ISLR2: variants seen among roughly 807,000 people sequenced by gnomAD.
ISLR2 encodes immunoglobulin superfamily containing leucine rich repeat 2, also known as immunoglobulin superfamily containing leucine-rich repeat protein 2.
In ISLR2, 16 loss-of-function variants were observed where a neutral mutation model predicts 25.5. That is an observed-to-expected ratio of 0.63 (90% CI 0.43 to 0.95). The LOEUF (loss-of-function observed/expected upper bound fraction) is 0.95, where lower values mean the gene tolerates loss of function less well. Among genes scored for constraint, ISLR2 ranks in the 40% least tolerant of loss-of-function variants. The pLI is 0.00. For missense variants in ISLR2, 883 were observed against 1,030.7 expected (o/e 0.86, Z 1.96); for synonymous variants, 508 against 486.6 (o/e 1.04, Z -0.58).
intron 2 of ISLR2, among the ~76,000 whole-genome samples, chr15:74,109,853 T>C (rs1163385057): frequency 1.3e-5 from 2 of 152,180 alleles, no homozygotes; most frequent in Non-Finnish European, 2.9e-5. Context: ...TGGAGTATAA[T>C]GGTGCAGTCA....
chr15:74,137,151 G>A (rs2072578257), downstream of ISLR2, among the ~76,000 whole-genome samples: 1 of 152,216 alleles, frequency 6.6e-6, no homozygotes, highest in Non-Finnish European at 1.5e-5. Context: ...TTTCACTTGA[G>A]ACTGTCTGTG....
At chr15:74,129,170 A>G (rs979354105), upstream of ISLR2, 10 of 411,316 alleles carry the variant, frequency 2.4e-5, no homozygotes, top group Non-Finnish European at 4.4e-5. This position sits in a 1 kb window ranked among gnomAD's most constrained non-coding sequence, Gnocchi z 4.5. Context: ...GCAAGATGCG[A>G]TGGTCTCAGC....
chr15:74,133,560 G>T lies in ISLR2; in HGVS notation c.806G>T (p.Arg269Leu), dbSNP rs777296234. The T allele has an allele frequency of 2.9e-5, 46 of 1,614,024 alleles. No homozygotes were observed. The highest frequency in any genetic ancestry group is 3.7e-5 in the Non-Finnish European group (44 of 1,180,012). ...ATCGCCGACGGCCACCCTACGCCTCGCCTGCAATGGCAACTTCAGATCCCC... is the reference window on the plus strand; with the variant it reads ...ATCGCCGACGGCCACCCTACGCCTCTCCTGCAATGGCAACTTCAGATCCCC... ...HCIADGHPTP[R>L]LQWQLQIPGG... The change falls in exon 3 of 3, where the codon CGC (arginine) becomes CTC (leucine). Residue 269 changes from arginine (R) to leucine (L), a missense_variant. This residue lies in a region of ISLR2 where 271 missense variants were observed against 387.9 expected (regional missense o/e 0.70). Transcript: ENST00000453268.
chr15:74,130,076 A>C (rs2072372410), upstream of ISLR2: 1 of 152,078 alleles, frequency 6.6e-6, no homozygotes, highest in Admixed American at 6.5e-5. Context: ...GTTTAGCCAC[A>C]AAAGACCAGA....
chr15:74,135,201 C>T lies in ISLR2; in HGVS notation c.*209C>T. 1 of 623,722 alleles carries T rather than the reference C, an allele frequency of 1.6e-6. No individual in the cohort carries two copies. Among genetic ancestry groups the T allele is most frequent in the East Asian group, 2.8e-5 (1 of 35,546 alleles). The allele number at this position is 623,722 out of a possible 1,614,324, so 38.6% of individuals were successfully genotyped here. A position where few individuals can be genotyped will look rare whatever the true frequency, so the allele number is the denominator to read the frequency against. On this transcript the variant is annotated 3_prime_UTR_variant, in exon 3 of 3. Transcript: ENST00000453268. ...CTACCCACGGCTGCCATTCTCCCTGCGGGCTGAATCCCCTTCCCCGCCAAG... is the reference window on the plus strand; with the variant it reads ...CTACCCACGGCTGCCATTCTCCCTGTGGGCTGAATCCCCTTCCCCGCCAAG...
Position 74,134,531 on chromosome 15 carries a change from A to T in ISLR2, c.1777A>T (p.Ile593Leu), listed in dbSNP as rs777436719. Residue 593 changes from isoleucine to leucine, a missense_variant, in exon 3 of 3, where the codon ATA (isoleucine) becomes TTA (leucine). Physicochemically the swap from Ile to Leu is conservative, Grantham distance 5 (BLOSUM62 2). Around this residue, in one of 2 missense-constraint regions of ISLR2, gnomAD observed 612 missense variants for 642.8 expected, o/e 0.95. Transcript: ENST00000453268. Reference sequence around the variant, plus strand: ...GAAGGAGCTCCCATCGCTGCTGGTCATAGTGGCAGTGAGCGTATTCCTCCT... The same window carrying T: ...GAAGGAGCTCCCATCGCTGCTGGTCTTAGTGGCAGTGAGCGTATTCCTCCT... ...TKKELPSLLV[I>L]VAVSVFLLVL... The T allele has an allele frequency of 6.2e-7, 1 of 1,614,062 alleles. No homozygotes were observed. Among genetic ancestry groups the T allele is most frequent in the East Asian group, 2.2e-5 (1 of 44,878 alleles).
At chr15:74,126,932 GTGTGTGTGTGTGTGTGTGTGTC>G (rs1324963210), upstream of ISLR2, 544 of 151,988 alleles carry the variant, frequency 3.6e-3, 4 homozygotes, top group African/African-American at 0.013. Flanking sequence ...GTGTGTGTGT[GTGTGTGTGTGTGTGTGTGTGTC>G]TGTGCGCGCA....
Position 74,134,317 on chromosome 15 carries a change from A to C in ISLR2, c.1563A>C (p.Arg521=). 1 of 1,531,196 alleles carries C rather than the reference A, an allele frequency of 6.5e-7. No individual in the cohort carries two copies. Among genetic ancestry groups the C allele is most frequent in the Non-Finnish European group, 8.8e-7 (1 of 1,141,630 alleles). 94.9% of individuals were successfully genotyped at this position (1,531,196 alleles called of 1,614,324 possible). The change falls in exon 3 of 3, where the codon CGA becomes CGC. Residue 521 remains arginine, a synonymous_variant. Coordinates refer to ENST00000453268, the MANE Select transcript of ISLR2 (RefSeq NM_020851.3). The part of the protein sequence containing the change: ...PGPGGAGGAP[R]PGRRPLRLLY... The stretch of plus-strand genomic sequence containing the variant: ...CCGGCGGGGCTGGCGGAGCCCCGCG[A>C]CCCGGGCGGCGACCCCTGCGCCTAC...
At chr15:74,117,406 T>C (rs1216498267) in intron 2 of ISLR2, among the ~76,000 whole-genome samples, 1 of 152,128 alleles carries the variant, frequency 6.6e-6, no homozygotes, top group Non-Finnish European at 1.5e-5. Flanking sequence ...TCAGGAAATA[T>C]CTTAGGGCTC....
chr15:74,128,346 A>T, upstream of ISLR2: 1 of 421,760 alleles, frequency 2.4e-6, no homozygotes, highest in East Asian at 7.2e-5. Flanking sequence ...CTCCGGGAAC[A>T]AAAGCATTTG....
In ISLR2 at chr15:74,132,699, G is replaced by C. The variant is rs1052907306; in HGVS notation, c.-8-48G>C. 9 of 1,571,170 alleles carry C rather than the reference G, an allele frequency of 5.7e-6. No individual in the cohort carries two copies. Among genetic ancestry groups the C allele is most frequent in the South Asian group, 4.7e-5 (4 of 84,458 alleles). Reference sequence around the variant, plus strand: ...CAGCTTGATAGGGGAGGTAAGCTGGGGTTCAGTGAGTCACCTTCTTTCTTC... The same window carrying C: ...CAGCTTGATAGGGGAGGTAAGCTGGCGTTCAGTGAGTCACCTTCTTTCTTC... On this transcript the variant is annotated intron_variant, in intron 2 of 2. Coordinates refer to ENST00000453268, the MANE Select transcript of ISLR2 (RefSeq NM_020851.3). The surrounding 1 kb of genome is among the most constrained non-coding windows in gnomAD (Gnocchi z 4.3).
downstream of ISLR2, among the ~76,000 whole-genome samples, chr15:74,138,986 T>C (rs929402229): frequency 1.3e-5 from 2 of 152,196 alleles, no homozygotes; most frequent in Admixed American, 6.5e-5. Context: ...GGGTCTCTTG[T>C]GGGAAGACAG....
chr15:74,134,371 G>A lies in ISLR2; in HGVS notation c.1617G>A (p.Ala539=), dbSNP rs758725854. ...LLYLCPAGGG[A]AVQWSRVEEG... ...ATCTGTGTCCAGCGGGGGGCGGCGC[G>A]GCAGTGCAGTGGTCCCGCGTAGAGG... Residue 539 remains alanine (A), a synonymous_variant, in exon 3 of 3, where the codon GCG becomes GCA. Coordinates refer to ENST00000453268, the MANE Select transcript of ISLR2 (RefSeq NM_020851.3). 114 of 1,604,052 alleles carry A rather than the reference G, an allele frequency of 7.1e-5. 1 individual carries two copies. The highest frequency in any genetic ancestry group is 8.8e-5 in the Non-Finnish European group (103 of 1,177,120).
At position 74,107,316 on chromosome 15, in the gene ISLR2, T is replaced by C. The variant is rs1432461653; in HGVS notation, n.228+3402T>C. ...CACCTGTAAGAGGGCAGCATAAGAC[T>C]GCCCCATTGTCCCCAGAGAGTCCCC... On this transcript the variant is annotated intron_variant and non_coding_transcript_variant, in intron 2 of 3. Transcript: ENST00000561975. Among the ~76,000 whole-genome samples, 3 of 152,200 alleles carry C rather than the reference T, an allele frequency of 2.0e-5. No homozygotes were observed. In the East Asian group the frequency reaches 5.8e-4, roughly 29 times the overall value.
chr15:74,108,995 A>G (rs1443680187), intron 2 of ISLR2, among the ~76,000 whole-genome samples: 1 of 152,242 alleles, frequency 6.6e-6, no homozygotes, highest in African/African-American at 2.4e-5. Context: ...CCGTGGCTGG[A>G]TCAGGCTTCA....
Position 74,133,364 on chromosome 15 carries a change from C to T in ISLR2, c.610C>T (p.Pro204Ser), listed in dbSNP as rs1419635033. ...AWAASTRVSL[P>S]EPDSIACASP... ...GGCCGCGAGCACCCGGGTGTCCTTA[C>T]CCGAGCCCGACTCCATTGCTTGTGC... Residue 204 changes from proline to serine, a missense_variant, in exon 3 of 3, where the codon CCC becomes TCC. Pro to Ser is a moderately conservative substitution (Grantham distance 74). This residue lies in a region of ISLR2 where 271 missense variants were observed against 387.9 expected (regional missense o/e 0.70). Transcript: ENST00000453268. 1 of 1,608,080 alleles carries T rather than the reference C, an allele frequency of 6.2e-7. No individual in the cohort carries two copies.
chr15:74,100,929 T>C lies in ISLR2; in HGVS notation n.159+460T>C, dbSNP rs549654621. Among the ~76,000 whole-genome samples, 6 of 145,736 alleles carry C rather than the reference T, an allele frequency of 4.1e-5. No individual in the cohort carries two copies. The East Asian group carries it at 1.2e-3, about 29-fold the overall frequency. On this transcript the variant is annotated intron_variant and non_coding_transcript_variant, in intron 1 of 3. Coordinates refer to the ISLR2 transcript ENST00000561975. ...TGCTTAGATTGCAGTGGTAGTCTGA[T>C]TACTGGTAGCTTTGAGCTAATGGGT... is the stretch of plus-strand genomic sequence containing the variant.
At chr15:74,120,003 G>A (rs1291066933) in intron 2 of ISLR2, among the ~76,000 whole-genome samples, 1 of 152,150 alleles carries the variant, frequency 6.6e-6, no homozygotes, top group Non-Finnish European at 1.5e-5. Flanking sequence ...AATTGGTATT[G>A]GTGACAAAGG....
upstream of ISLR2, chr15:74,126,236 T>G (rs2072293881): frequency 6.6e-6 from 1 of 151,970 alleles, no homozygotes; most frequent in Non-Finnish European, 1.5e-5. Flanking sequence ...AATGGCTAAT[T>G]CAGCTATTAT....
Sources: allele counts gnomAD v4.1 joint callset (sites outside exome capture counted in the v4.1 genomes callset), GRCh38; gene constraint gnomAD v4.1.1; regional missense constraint gnomAD v4.1.1; non-coding constraint Gnocchi (gnomAD v3.1); transcripts MANE v1.5; gene names NCBI Gene and HGNC (gene_info 2026-07-23, HGNC 2026-07-21).